The following HOXD13 variants were observed in gnomAD, a reference collection of about 807,000 sequenced individuals.
HOXD13 encodes homeobox D13, also known as homeobox protein Hox-D13.
HOXD13 carries 16 observed loss-of-function variants against 27.3 expected under a neutral mutation model. The ratio of observed to expected loss-of-function variants is 0.59; its 90% confidence interval spans 0.40 to 0.89. The LOEUF is 0.89. Ranked by LOEUF, HOXD13 falls within the 40% of genes least tolerant of loss-of-function variation. The pLI is 0.00. For missense variants in HOXD13, 481 were observed against 482.6 expected, an observed-to-expected ratio of 1.00 and a Z score of 0.03; for synonymous variants, 241 against 219.0, an observed-to-expected ratio of 1.10 and a Z score of -0.89.
At chr2:176,087,616 G>T in the HOXD13 span, among the ~76,000 whole-genome samples, 4 of 152,184 alleles carry the variant, frequency 2.6e-5, no homozygotes, top group African/African-American at 9.7e-5. Flanking sequence ...GAAGGCCAAG[G>T]CTGGGAACAG....
At position 176,092,835 on chromosome 2, in the gene HOXD13, G is replaced by A. The variant is rs1689341260; in HGVS notation, c.-56G>A. On this transcript the variant is annotated 5_prime_UTR_variant, in exon 1 of 2. Transcript: ENST00000392539. Reference sequence around the variant, plus strand: ...GGAGAGGAGGGAGGAGGCGCGCCGCGCCATGGTGTCCTGCGCGGGGCCAGG... The same window carrying A: ...GGAGAGGAGGGAGGAGGCGCGCCGCACCATGGTGTCCTGCGCGGGGCCAGG... 1 of 1,116,828 alleles carries A rather than the reference G, an allele frequency of 9.0e-7. No individual in the cohort carries two copies. Among genetic ancestry groups the A allele is most frequent in the Non-Finnish European group, 1.1e-6 (1 of 890,134 alleles). 69.2% of individuals were successfully genotyped at this position (1,116,828 alleles called of 1,614,324 possible). A position where few individuals can be genotyped will look rare whatever the true frequency, so the allele number is the denominator to read the frequency against.
upstream of HOXD13, among the ~76,000 whole-genome samples, chr2:176,092,050 C>T (rs1013176791): frequency 1.3e-5 from 2 of 152,168 alleles, no homozygotes; most frequent in Non-Finnish European, 2.9e-5. Flanking sequence ...GCCTGTCTTT[C>T]ATCTGTTTAA....
Position 176,093,471 on chromosome 2 carries a change from A to G in HOXD13, c.581A>G (p.Gln194Arg), listed in dbSNP as rs1689361558. Reference protein sequence around the residue: ...PARAKEVSFYQGYTSPYQHVP... With the variant: ...PARAKEVSFYRGYTSPYQHVP... ...CGAGCCAAGGAGGTATCCTTCTACC[A>G]GGGCTATACGAGCCCTTACCAGCAC... is the stretch of plus-strand genomic sequence containing the variant. The change falls in exon 1 of 2, where the codon CAG (glutamine) becomes CGG (arginine). Residue 194 changes from glutamine to arginine, a missense_variant. Coordinates refer to ENST00000392539, the MANE Select transcript of HOXD13 (RefSeq NM_000523.4). The G allele has an allele frequency of 6.2e-7, 1 of 1,614,084 alleles. No individual in the cohort carries two copies.
Position 176,095,754 on chromosome 2 carries a change from AAAT to A in HOXD13, c.*1028_*1030del, listed in dbSNP as rs745513069. On this transcript the variant is annotated 3_prime_UTR_variant, in exon 2 of 2. Coordinates refer to ENST00000392539, the MANE Select transcript of HOXD13 (RefSeq NM_000523.4). Reference sequence around the variant, plus strand: ...GTGAAGTTCCAAGGTCCAAGAAGAAAAATAATGATGTTTCTGAAAGTGATGATA... The same window carrying A: ...GTGAAGTTCCAAGGTCCAAGAAGAAAAATGATGTTTCTGAAAGTGATGATA... The A allele has an allele frequency of 9.0e-6, 2 of 222,284 alleles. No homozygotes were observed. Among genetic ancestry groups the A allele is most frequent in the Non-Finnish European group, 1.8e-5 (2 of 111,228 alleles). The allele number at this position is 222,284 out of a possible 1,614,324, so 13.8% of individuals were successfully genotyped here.
chr2:176,093,859 C>T (rs1689371266), intron 1 of HOXD13, among the ~76,000 whole-genome samples, 188 bp downstream of exon 1: 1 of 152,208 alleles, frequency 6.6e-6, no homozygotes, highest in African/African-American at 2.4e-5. Context: ...CTGATTTCAA[C>T]TGCCTCCGTC....
chr2:176,093,400 G>A lies in HOXD13; in HGVS notation c.510G>A (p.Val170=), dbSNP rs1161990205. ...TTCCCGTGGAGAAGTACATGGACGTGTCAGGCCTGGCGAGCAGCAGCGTAC... is the reference window on the plus strand; with the variant it reads ...TTCCCGTGGAGAAGTACATGGACGTATCAGGCCTGGCGAGCAGCAGCGTAC... The part of the protein sequence containing the change: ...GGFPVEKYMD[V]SGLASSSVPA... The change falls in exon 1 of 2, where the codon GTG becomes GTA. Residue 170 remains valine (V), a synonymous_variant. Transcript: ENST00000392539. 2 of 1,613,888 alleles carry A rather than the reference G, an allele frequency of 1.2e-6. No homozygotes were observed. Among genetic ancestry groups the A allele is most frequent in the African/African-American group, 1.3e-5 (1 of 74,952 alleles).
Position 176,094,375 on chromosome 2 carries a change from C to T in HOXD13, c.782-105C>T, listed in dbSNP as rs530421027. The T allele has an allele frequency of 6.2e-5, 82 of 1,320,660 alleles. No homozygotes were observed. The African/African-American group carries it at 1.1e-3, about 17-fold the overall frequency. The allele number at this position is 1,320,660 out of a possible 1,614,324, so 81.8% of individuals were successfully genotyped here. A position where few individuals can be genotyped will look rare whatever the true frequency, so the allele number is the denominator to read the frequency against. On this transcript the variant is annotated intron_variant, in intron 1 of 1. Coordinates refer to ENST00000392539, the MANE Select transcript of HOXD13 (RefSeq NM_000523.4). Reference sequence around the variant, plus strand: ...GGCATTTTTTAAAAATTTCCTGCACCCCTGCAAACGCACACACACACACAC... The same window carrying T: ...GGCATTTTTTAAAAATTTCCTGCACTCCTGCAAACGCACACACACACACAC...
chr2:176,091,785 A>C (rs2105377314), upstream of HOXD13, among the ~76,000 whole-genome samples: 2 of 152,018 alleles, frequency 1.3e-5, no homozygotes, highest in East Asian at 1.9e-4. Context: ...AACGGGCGGG[A>C]GTGGGTGGTG....
rs559682693 is a variant in HOXD13 at position 176,093,750 on chromosome 2, C to T, written c.781+79C>T. The T allele has an allele frequency of 4.1e-6, 4 of 966,940 alleles. No individual in the cohort carries two copies. In the African/African-American group the frequency reaches 4.9e-5, roughly 12 times the overall value. 59.9% of individuals were successfully genotyped at this position (966,940 alleles called of 1,614,324 possible). A position where few individuals can be genotyped will look rare whatever the true frequency, so the allele number is the denominator to read the frequency against. On this transcript the variant is annotated intron_variant, in intron 1 of 1. Coordinates refer to ENST00000392539, the MANE Select transcript of HOXD13 (RefSeq NM_000523.4). Reference sequence around the variant, plus strand: ...AAAAGAAAGGACTAAGAGTATGCGCCCCTACTTGGGAGTGGGAGTTGTGCC... The same window carrying T: ...AAAAGAAAGGACTAAGAGTATGCGCTCCTACTTGGGAGTGGGAGTTGTGCC...
rs536676052 is a variant in HOXD13 at position 176,093,452 on chromosome 2, A to G, written c.562A>G (p.Lys188Glu). Residue 188 changes from lysine to glutamate, a missense_variant, in exon 1 of 2, where the codon AAG (lysine) becomes GAG (glutamate). Lys to Glu is a moderately conservative substitution (Grantham distance 56, BLOSUM62 1). Coordinates refer to ENST00000392539, the MANE Select transcript of HOXD13 (RefSeq NM_000523.4). The stretch of plus-strand genomic sequence containing the variant: ...GGCCAACGAGGTGCCAGCGCGAGCC[A>G]AGGAGGTATCCTTCTACCAGGGCTA... Reference protein sequence around the residue: ...VPANEVPARAKEVSFYQGYTS... With the variant: ...VPANEVPARAEEVSFYQGYTS... The G allele has an allele frequency of 6.2e-7, 1 of 1,614,050 alleles. No homozygotes were observed. Among genetic ancestry groups the G allele is most frequent in the South Asian group, 1.1e-5 (1 of 91,088 alleles).
upstream of HOXD13, among the ~76,000 whole-genome samples, chr2:176,088,826 CA>C (rs1170008284): frequency 6.6e-6 from 1 of 151,944 alleles, no homozygotes; most frequent in Non-Finnish European, 1.5e-5. Flanking sequence ...TTTTATTTTC[CA>C]AAAAAAGGCA....
In HOXD13 at chr2:176,092,874, C is replaced by A; in HGVS notation, c.-17C>A. 8.1e-7 allele frequency: 1 copy of A among 1,230,906 alleles called. No homozygotes were observed. The allele number at this position is 1,230,906 out of a possible 1,614,324, so 76.2% of individuals were successfully genotyped here. On this transcript the variant is annotated 5_prime_UTR_variant, in exon 1 of 2. Coordinates refer to ENST00000392539, the MANE Select transcript of HOXD13 (RefSeq NM_000523.4). ...CGCGGGGCCAGGGCCAGGGCCGGGGCCGGGCCAGGCCGGGCCATGAGCCGC... is the reference window on the plus strand; with the variant it reads ...CGCGGGGCCAGGGCCAGGGCCGGGGACGGGCCAGGCCGGGCCATGAGCCGC...
At chr2:176,092,660 G>C (rs1689338347), upstream of HOXD13, among the ~76,000 whole-genome samples, 2 of 152,202 alleles carry the variant, frequency 1.3e-5, no homozygotes, top group South Asian at 2.1e-4. Context: ...CCCCCCGACC[G>C]GCCCAGGCCC....
Position 176,093,094 on chromosome 2 carries a change from G to A in HOXD13, c.204G>A (p.Ala68=), listed in dbSNP as rs2518053. 491,289 of 1,425,930 alleles carry A rather than the reference G, an allele frequency of 0.34. 92,259 individuals are homozygous for A. The highest frequency in any genetic ancestry group is 0.76 in the African/African-American group (50,679 of 66,892). The allele number at this position is 1,425,930 out of a possible 1,614,324, so 88.3% of individuals were successfully genotyped here. Residue 68 remains alanine (A), a synonymous_variant, in exon 1 of 2, where the codon GCG becomes GCA. Coordinates refer to ENST00000392539, the MANE Select transcript of HOXD13 (RefSeq NM_000523.4). ...AAAAAAAAAA[A]AAASGFAYPG... is the part of the protein sequence containing the mutation. Reference sequence around the variant, plus strand: ...CGGCAGCGGCGGCTGCGGCGGCGGCGGCGGCAGCCTCCGGCTTTGCGTACC... The same window carrying A: ...CGGCAGCGGCGGCTGCGGCGGCGGCAGCGGCAGCCTCCGGCTTTGCGTACC...
chr2:176,092,266 G>A (rs1182801189), upstream of HOXD13, among the ~76,000 whole-genome samples: 2 of 152,240 alleles, frequency 1.3e-5, no homozygotes, highest in African/African-American at 2.4e-5. Context: ...ATAAAAAAAT[G>A]GGCCTGTTTT....
chr2:176,089,950 T>C (rs1432760072), upstream of HOXD13, among the ~76,000 whole-genome samples: 1 of 152,272 alleles, frequency 6.6e-6, no homozygotes, highest in Non-Finnish European at 1.5e-5. Flanking sequence ...TCTGTGTTCC[T>C]GGCCACCTAA....
Position 176,093,064 on chromosome 2 carries a change from G to C in HOXD13, c.174G>C (p.Ala58=). Residue 58 remains alanine, a synonymous_variant, in exon 1 of 2, where the codon GCG becomes GCC. Coordinates refer to ENST00000392539, the MANE Select transcript of HOXD13 (RefSeq NM_000523.4). ...CCGGGACGCATTCGGGGCGGGCGGC[G>C]GCGGCGGCAGCGGCGGCTGCGGCGG... ...VFAGTHSGRA[A]AAAAAAAAAA... is the part of the protein sequence containing the mutation. 1 of 1,378,996 alleles carries C rather than the reference G, an allele frequency of 7.3e-7. No homozygotes were observed. The highest frequency in any genetic ancestry group is 9.3e-7 in the Non-Finnish European group (1 of 1,077,136). The allele number at this position is 1,378,996 out of a possible 1,614,324, so 85.4% of individuals were successfully genotyped here. A position where few individuals can be genotyped will look rare whatever the true frequency, so the allele number is the denominator to read the frequency against.
chr2:176,094,730 A>T lies in HOXD13; in HGVS notation c.1032A>T (p.Ter344CysextTer10). ...CCAAGCTCAAAGATACTGTCTCCTG[A>T]TGTGGTCCAGGTTGGCCACAGACAG... ...IVSKLKDTVS* is the reference protein window; with the variant it reads ...IVSKLKDTVSC Residue 344 changes from the stop codon to cysteine (C), a stop_lost, in exon 2 of 2, where the codon TGA becomes TGT. Transcript: ENST00000392539. 6.2e-7 allele frequency: 1 copy of T among 1,614,048 alleles called. No individual in the cohort carries two copies. The highest frequency in any genetic ancestry group is 8.5e-7 in the Non-Finnish European group (1 of 1,179,938).
intron 1 of HOXD13, among the ~76,000 whole-genome samples, chr2:176,094,123 G>A (rs1689375965): frequency 6.6e-6 from 1 of 152,086 alleles, no homozygotes; most frequent in Admixed American, 6.5e-5. Flanking sequence ...GACCTGAGTT[G>A]GTATGTGTCT....
Sources: allele counts gnomAD v4.1 joint callset (sites outside exome capture counted in the v4.1 genomes callset), GRCh38; gene constraint gnomAD v4.1.1; transcripts MANE v1.5; gene names NCBI Gene and HGNC (gene_info 2026-07-23, HGNC 2026-07-21).